The following BRINP1 variants were observed in gnomAD, a reference collection of about 807,000 sequenced individuals.
BRINP1 encodes the protein BMP/retinoic acid inducible neural specific 1, also known as BMP/retinoic acid-inducible neural-specific protein 1.
Under a neutral mutation model 72.9 loss-of-function variants are expected in BRINP1, and 17 were observed. The observed-to-expected ratio is 0.23, with a 90% CI of 0.16 to 0.35. The LOEUF is 0.35. Ranked by LOEUF, BRINP1 falls within the 10% of genes least tolerant of loss-of-function variation. The pLI, the probability that BRINP1 is intolerant of heterozygous loss-of-function variation, is 1.00. For synonymous variants in BRINP1, 418 were observed against 378.5 expected (o/e 1.10, Z -1.21); for missense variants, 850 against 1,001.6 (o/e 0.85, Z 2.04).
intron 7 of BRINP1, among the ~76,000 whole-genome samples, chr9:119,202,802 C>A (rs571583255): frequency 6.6e-6 from 1 of 152,138 alleles, no homozygotes. Context: ...AGGTGTGGTC[C>A]GGAATTATCT....
chr9:119,175,637 T>C (rs1448816955), intron 7 of BRINP1, among the ~76,000 whole-genome samples: 1 of 152,136 alleles, frequency 6.6e-6, no homozygotes, highest in Admixed American at 6.5e-5. Flanking sequence ...CTATAAATGA[T>C]ACCAAAGTCT....
chr9:119,167,267 G>T lies in BRINP1; in HGVS notation c.2103C>A (p.Asp701Glu). Residue 701 changes from aspartate to glutamate, a missense_variant, in exon 8 of 8, where the codon GAC becomes GAA. Asp to Glu is a conservative substitution (Grantham distance 45). Coordinates refer to ENST00000265922, the MANE Select transcript of BRINP1 (RefSeq NM_014618.3). This position sits in a 1 kb window ranked among gnomAD's most constrained non-coding sequence, Gnocchi z 4.3. ...SVMLLLLDIR[D>E]RINRLAPPVA... Reference sequence around the variant, plus strand: ...CAGGAGGGGCCAGGCGATTAATTCGGTCCCGAATATCCAACAAGAGGAGCA... The same window carrying T: ...CAGGAGGGGCCAGGCGATTAATTCGTTCCCGAATATCCAACAAGAGGAGCA... 1 of 1,614,144 alleles carries T rather than the reference G, an allele frequency of 6.2e-7. No homozygotes were observed. Among genetic ancestry groups the T allele is most frequent in the African/African-American group, 1.3e-5 (1 of 75,030 alleles).
intron 2 of BRINP1, among the ~76,000 whole-genome samples, chr9:119,259,693 T>C (rs1830480045): frequency 6.6e-6 from 1 of 152,210 alleles, no homozygotes; most frequent in South Asian, 2.1e-4. Context: ...TCACAAAATT[T>C]GAAAGCTCCA....
chr9:119,200,631 A>C (rs996876386), intron 7 of BRINP1, among the ~76,000 whole-genome samples: 5 of 113,374 alleles, frequency 4.4e-5, no homozygotes, highest in African/African-American at 2.1e-4. Flanking sequence ...CTCAAGAAAA[A>C]AAAAGAAAAA....
At chr9:119,323,531 T>G (rs1831210957) in intron 1 of BRINP1, among the ~76,000 whole-genome samples, 3 of 152,060 alleles carry the variant, frequency 2.0e-5, no homozygotes, top group Non-Finnish European at 2.9e-5. Context: ...AAAGGATAAG[T>G]GACAGGCAAG....
chr9:119,243,660 G>A (rs570694317), intron 3 of BRINP1, among the ~76,000 whole-genome samples: 29 of 152,184 alleles, frequency 1.9e-4, no homozygotes, highest in African/African-American at 6.3e-4. Context: ...ACTAATTTAC[G>A]TTCCCACCAA....
At chr9:119,363,977 T>C (rs570447422) in intron 1 of BRINP1, among the ~76,000 whole-genome samples, 1 of 151,456 alleles carries the variant, frequency 6.6e-6, no homozygotes, top group Non-Finnish European at 1.5e-5. Context: ...CCAATAAATA[T>C]TTGTTGAATA....
intron 5 of BRINP1, among the ~76,000 whole-genome samples, chr9:119,221,289 T>G (rs1425997815): frequency 6.6e-6 from 1 of 152,084 alleles, no homozygotes; most frequent in Non-Finnish European, 1.5e-5. Context: ...CTGCACCTTT[T>G]GCAAAAAGTC....
intron 1 of BRINP1, among the ~76,000 whole-genome samples, chr9:119,364,549 A>G (rs1005320799): frequency 6.6e-6 from 1 of 152,206 alleles, no homozygotes; most frequent in African/African-American, 2.4e-5. Flanking sequence ...CCTAGCACCT[A>G]TTGAACAACC....
At chr9:119,233,569 C>G (rs1047417819) in intron 5 of BRINP1, among the ~76,000 whole-genome samples, 13 of 152,138 alleles carry the variant, frequency 8.5e-5, no homozygotes, top group African/African-American at 2.7e-4. Flanking sequence ...CCATGCCTCT[C>G]CCCTTTATTC....
At chr9:119,302,084 G>A (rs1226221265) in intron 2 of BRINP1, among the ~76,000 whole-genome samples, 1 of 152,206 alleles carries the variant, frequency 6.6e-6, no homozygotes, top group Non-Finnish European at 1.5e-5. Context: ...AAACTCACAG[G>A]TGCACAGCAG....
chr9:119,180,877 G>A (rs759766012), intron 7 of BRINP1, among the ~76,000 whole-genome samples: 2 of 152,118 alleles, frequency 1.3e-5, no homozygotes, highest in Non-Finnish European at 2.9e-5. Flanking sequence ...AAGGTAATAG[G>A]TCTTACTGGA....
chr9:119,256,541 T>A (rs1455413470), intron 2 of BRINP1, among the ~76,000 whole-genome samples: 4 of 152,174 alleles, frequency 2.6e-5, no homozygotes, highest in Admixed American at 2.6e-4. Context: ...GCTGGAAGAG[T>A]TAGATGAAAT....
intron 2 of BRINP1, among the ~76,000 whole-genome samples, chr9:119,305,970 A>G (rs1038808445): frequency 6.6e-6 from 1 of 152,150 alleles, no homozygotes; most frequent in African/African-American, 2.4e-5. Flanking sequence ...CTTGGCCAAG[A>G]TTTGGAGCAC....
chr9:119,186,481 C>T (rs1829621915), intron 7 of BRINP1, among the ~76,000 whole-genome samples: 1 of 152,170 alleles, frequency 6.6e-6, no homozygotes, highest in Admixed American at 6.5e-5. Context: ...AGACCAGGTG[C>T]TCCAGCCCAG....
intron 1 of BRINP1, among the ~76,000 whole-genome samples, chr9:119,316,591 T>C (rs1439845352): frequency 6.6e-6 from 1 of 152,080 alleles, no homozygotes; most frequent in Non-Finnish European, 1.5e-5. Context: ...AAGAGTATGC[T>C]AAATCTACTC....
chr9:119,307,180 T>C (rs935058391), intron 2 of BRINP1, among the ~76,000 whole-genome samples: 3 of 151,652 alleles, frequency 2.0e-5, no homozygotes, highest in Non-Finnish European at 4.4e-5. Context: ...CCACCACCAG[T>C]TGGACACCAA....
At chr9:119,294,388 G>A (rs1325264826) in intron 2 of BRINP1, among the ~76,000 whole-genome samples, 4 of 151,962 alleles carry the variant, frequency 2.6e-5, no homozygotes, top group East Asian at 1.9e-4. Flanking sequence ...CTAGCTGGGC[G>A]TGTTGGCATA....
In BRINP1 at chr9:119,368,842, A is replaced by C. The variant is rs1831722991; in HGVS notation, c.-51+214T>G. On this transcript the variant is annotated intron_variant, in intron 1 of 7. Transcript: ENST00000265922. The surrounding 1 kb of genome is among the most constrained non-coding windows in gnomAD (Gnocchi z 4.7). ...GCGCGCGGGGACACACACGCCACTC[A>C]CTCAAACCCGCAATTAGCCCTTTGA... Among the ~76,000 whole-genome samples the C allele has an allele frequency of 6.6e-6, 1 of 151,710 alleles. No homozygotes were observed. The highest frequency in any genetic ancestry group is 1.5e-5 in the Non-Finnish European group (1 of 67,936).
Sources: allele counts gnomAD v4.1 joint callset (sites outside exome capture counted in the v4.1 genomes callset), GRCh38; gene constraint gnomAD v4.1.1; non-coding constraint Gnocchi (gnomAD v3.1); transcripts MANE v1.5; gene names NCBI Gene and HGNC (gene_info 2026-07-23, HGNC 2026-07-21).